Variants in AGBL1 observed in about 807,000 individuals in gnomAD.
The protein encoded by AGBL1 is cytosolic carboxypeptidase 4.
Under a neutral mutation model 118.9 loss-of-function variants are expected in AGBL1, and 130 were observed. The observed-to-expected ratio is 1.09, with a 90% CI of 0.95 to 1.26. The LOEUF is 1.26. Among genes scored for constraint, AGBL1 ranks in the 50% most tolerant of loss-of-function variants. The pLI is 0.00. For missense variants in AGBL1, 1,584 were observed against 1,298.1 expected (o/e 1.22, Z -3.38); for synonymous variants, 555 against 478.9 (o/e 1.16, Z -2.08).
intron 18 of AGBL1, among the ~76,000 whole-genome samples, chr15:86,476,376 G>A (rs1399137054): frequency 2.0e-5 from 3 of 152,136 alleles, no homozygotes; most frequent in South Asian, 2.1e-4. Context: ...AAATAAAGGG[G>A]TGGAGAAAGA....
At chr15:86,940,619 A>G (rs1019549558) in intron 23 of AGBL1, among the ~76,000 whole-genome samples, 1 of 152,232 alleles carries the variant, frequency 6.6e-6, no homozygotes. Flanking sequence ...CTAAAAGTCA[A>G]AATGGAGTCA....
At chr15:86,260,806 T>A (rs2078970002) in intron 9 of AGBL1, among the ~76,000 whole-genome samples, 1 of 152,166 alleles carries the variant, frequency 6.6e-6, no homozygotes, top group Non-Finnish European at 1.5e-5. Flanking sequence ...AAGCATTACC[T>A]GGATTAGGTG....
rs141004636 is a variant in AGBL1, at chr15:86,120,770, A to C, written c.52-21234A>C. 7.8e-3 allele frequency among the ~76,000 whole-genome samples: 1,185 copies of C among 152,324 alleles called. 25 individuals carry two copies. The highest frequency in any genetic ancestry group is 0.027 in the African/African-American group (1,130 of 41,572). ...AGACAAGAGTATTAATTTCTCTAGA[A>C]ATACCCCTTTGGCATAATAAATGTG... On this transcript the variant is annotated intron_variant, in intron 1 of 22. Transcript: ENST00000614907.
In AGBL1 at chr15:87,012,192, TACACACAC is replaced by T. The variant is rs57985975; in HGVS notation, c.3324-16604_3324-16597del. Among the ~76,000 whole-genome samples the T allele has an allele frequency of 6.3e-3, 898 of 142,780 alleles. 8 individuals are homozygous for T. The highest frequency in any genetic ancestry group is 0.02 in the African/African-American group (786 of 39,432). 93.7% of individuals were successfully genotyped at this position (142,780 alleles called of 152,430 possible). ...ACTTTTCTTTGTATATACAAATTTA[TACACACAC>T]ACACACACACACACACACACACACA... On this transcript the variant is annotated intron_variant, in intron 24 of 24. Coordinates refer to the AGBL1 transcript ENST00000441037.
At chr15:86,461,084 C>G (rs2082329180) in intron 18 of AGBL1, among the ~76,000 whole-genome samples, 1 of 152,136 alleles carries the variant, frequency 6.6e-6, no homozygotes, top group African/African-American at 2.4e-5. Flanking sequence ...AACCTTGGCT[C>G]AGCTCCTCAG....
rs370949786 is a variant in AGBL1 at position 86,153,089 on chromosome 15, G to A, written c.263-1341G>A. Among the ~76,000 whole-genome samples the A allele has an allele frequency of 7.9e-5, 12 of 152,282 alleles. No individual in the cohort carries two copies. In the East Asian group the frequency reaches 9.6e-4, roughly 12 times the overall value. On this transcript the variant is annotated intron_variant, in intron 3 of 22. Transcript: ENST00000614907. ...GAGTGTAAATTAGTTCAACCATTGT[G>A]GAAGACAGTGTGGTGACTCCTCAAG...
rs185649209 is a variant in AGBL1 at position 86,779,444 on chromosome 15, T to G, written c.3158+105008T>G. On this transcript the variant is annotated intron_variant, in intron 22 of 22. Coordinates refer to ENST00000614907, the MANE Select transcript of AGBL1 (RefSeq NM_001386094.1). ...ATTATTTATCCATTGGAATCATTTA[T>G]TCCCTGAAATCTCAGTGGGCATTTG... Among the ~76,000 whole-genome samples the G allele has an allele frequency of 5.9e-4, 90 of 152,366 alleles. 1 individual carries two copies. Among genetic ancestry groups the G allele is most frequent in the African/African-American group, 2.0e-3 (85 of 41,596 alleles).
chr15:87,005,791 T>A (rs1054543413), intron 24 of AGBL1, among the ~76,000 whole-genome samples: 1 of 152,160 alleles, frequency 6.6e-6, no homozygotes, highest in African/African-American at 2.4e-5. Flanking sequence ...AATTTTCAGT[T>A]TTTCTGCTCT....
chr15:86,178,204 G>A (rs752465070), intron 5 of AGBL1, among the ~76,000 whole-genome samples: 3 of 151,986 alleles, frequency 2.0e-5, no homozygotes, highest in Non-Finnish European at 2.9e-5. Context: ...TCCCAGCTAC[G>A]TGGGAGGCTG....
intron 5 of AGBL1, among the ~76,000 whole-genome samples, chr15:86,209,644 T>G (rs1415447258): frequency 6.6e-6 from 1 of 152,166 alleles, no homozygotes; most frequent in African/African-American, 2.4e-5. Context: ...ATCCCTGCTT[T>G]TTTTTTGCTT....
intron 17 of AGBL1, among the ~76,000 whole-genome samples, chr15:86,332,537 T>C (rs2141865481): frequency 6.6e-6 from 1 of 150,938 alleles, no homozygotes; most frequent in Non-Finnish European, 1.5e-5. Flanking sequence ...TCCCAGCTAC[T>C]CAGGAGACTG....
At chr15:86,578,080 G>A (rs950086462) in intron 21 of AGBL1, among the ~76,000 whole-genome samples, 10 of 152,122 alleles carry the variant, frequency 6.6e-5, no homozygotes, top group Non-Finnish European at 1.0e-4. Context: ...AGCTTGCACC[G>A]TGTGCCTGGA....
chr15:86,196,851 A>G (rs1328722442), intron 5 of AGBL1, among the ~76,000 whole-genome samples: 1 of 141,792 alleles, frequency 7.1e-6, no homozygotes, highest in African/African-American at 2.7e-5. Context: ...CTCCCTGCAT[A>G]TGCGAATGTG....
intron 4 of AGBL1, among the ~76,000 whole-genome samples, chr15:86,154,873 G>C (rs2077167240): frequency 6.6e-6 from 1 of 152,098 alleles, no homozygotes; most frequent in Non-Finnish European, 1.5e-5. Flanking sequence ...AAAAAGGTCT[G>C]TGACAGGAGA....
intron 5 of AGBL1, among the ~76,000 whole-genome samples, chr15:86,190,415 A>G (rs2077700598): frequency 6.6e-6 from 1 of 152,180 alleles, no homozygotes; most frequent in African/African-American, 2.4e-5. Context: ...AAGTAATAAT[A>G]TATGATTTCA....
rs1259433664 is a variant in AGBL1, at chr15:86,827,398, CAT to C, written c.3159-79680_3159-79679del. On this transcript the variant is annotated intron_variant, in intron 22 of 22. Transcript: ENST00000614907. ...ATATATATATACACATATATATATA[CAT>C]ATATATATGTGTATATATATATATA... is the stretch of plus-strand genomic sequence containing the variant. Among the ~76,000 whole-genome samples, 27 of 3,558 alleles carry C rather than the reference CAT, an allele frequency of 7.6e-3. 6 individuals are homozygous for C. The highest frequency in any genetic ancestry group is 0.056 in the East Asian group (1 of 18). The allele number at this position is 3,558 out of a possible 152,430, so 2.3% of individuals were successfully genotyped here. A position where few individuals can be genotyped will look rare whatever the true frequency, so the allele number is the denominator to read the frequency against.
chr15:86,711,563 G>A (rs2086557248), intron 22 of AGBL1, among the ~76,000 whole-genome samples: 3 of 152,136 alleles, frequency 2.0e-5, no homozygotes, highest in Admixed American at 2.0e-4. Context: ...CCTTACAGTT[G>A]CTAATCTAGT....
Position 86,883,282 on chromosome 15 carries a change from G to C in AGBL1, c.3159-23805G>C, listed in dbSNP as rs1226329484. Among the ~76,000 whole-genome samples, 5 of 152,288 alleles carry C rather than the reference G, an allele frequency of 3.3e-5. No homozygotes were observed. The East Asian group carries it at 9.6e-4, about 29-fold the overall frequency. ...TAAAATGACCTGTAAAATTAAGTCT[G>C]ATTTTCTTTCCTTGGCTAACCAGCT... On this transcript the variant is annotated intron_variant, in intron 22 of 22. Coordinates refer to ENST00000614907, the MANE Select transcript of AGBL1 (RefSeq NM_001386094.1).
intron 22 of AGBL1, among the ~76,000 whole-genome samples, chr15:86,867,909 A>G (rs940823780): frequency 6.6e-6 from 1 of 152,188 alleles, no homozygotes; most frequent in African/African-American, 2.4e-5. Context: ...CAATGAACCC[A>G]GATTATTTTA....
Sources: allele counts gnomAD v4.1 joint callset (sites outside exome capture counted in the v4.1 genomes callset), GRCh38; gene constraint gnomAD v4.1.1; transcripts MANE v1.5; gene names NCBI Gene and HGNC (gene_info 2026-07-23, HGNC 2026-07-21).